UHRF1: variants seen among roughly 807,000 people sequenced by gnomAD.
The protein encoded by UHRF1 is ubiquitin like with PHD and ring finger domains 1, also known as E3 ubiquitin-protein ligase UHRF1.
A neutral mutation model predicts 96.5 loss-of-function variants in UHRF1; 9 were observed. The observed-to-expected ratio is 0.09, with a 90% CI of 0.06 to 0.16. The LOEUF (loss-of-function observed/expected upper bound fraction) is 0.16. UHRF1 is among the 10% of genes least tolerant of loss of function. The probability of loss-of-function intolerance (pLI) is 1.00; values close to 1 mark genes in which losing one functional copy is unlikely to be tolerated. For missense variants in UHRF1, 626 were observed against 1,131.1 expected (o/e 0.55, Z 6.40); for synonymous variants, 455 against 469.9 (o/e 0.97, Z 0.41).
At chr19:4,947,386 A>C (rs2033595049) in intron 11 of UHRF1, among the ~76,000 whole-genome samples, 175 bp downstream of exon 11, 1 of 149,044 alleles carries the variant, frequency 6.7e-6, no homozygotes, top group Non-Finnish European at 1.5e-5. Flanking sequence ...TACAGGCGTG[A>C]GCCACTGCGC....
intron 11 of UHRF1, 25 bp from the exon 12 acceptor site, chr19:4,950,586 C>CGTG (rs2033690567): frequency 6.2e-7 from 1 of 1,605,366 alleles, no homozygotes; most frequent in Non-Finnish European, 8.5e-7. Context: ...ACCTATAATG[C>CGTG]GTGGGGTCCT....
chr19:4,942,213 G>A (rs2033427176), intron 7 of UHRF1, among the ~76,000 whole-genome samples: 2 of 149,452 alleles, frequency 1.3e-5, no homozygotes, highest in South Asian at 2.1e-4. Flanking sequence ...TTTTTTTTGC[G>A]GCGGAGTCTC....
At chr19:4,949,569 C>A (rs1208572615) in intron 11 of UHRF1, among the ~76,000 whole-genome samples, 5 of 152,070 alleles carry the variant, frequency 3.3e-5, no homozygotes, top group Admixed American at 2.0e-4. Flanking sequence ...TGTCACATGC[C>A]TGTCGTTCCA....
At position 4,961,177 on chromosome 19, in the gene UHRF1, G is replaced by A. The variant is rs1490095410; in HGVS notation, c.*374G>A. On this transcript the variant is annotated 3_prime_UTR_variant, in exon 17 of 17. Transcript: ENST00000650932. ...GCTGCCACCAACTCTTTAAGAAGGC[G>A]ACAGGATCAGTCCTTCTCTCGGGTT... 1 of 94,072 alleles carries A rather than the reference G, an allele frequency of 1.1e-5. No individual in the cohort carries two copies. The allele number at this position is 94,072 out of a possible 1,614,324, so 5.8% of individuals were successfully genotyped here.
intron 15 of UHRF1, among the ~76,000 whole-genome samples, chr19:4,955,897 C>T (rs59640958): frequency 0.032 from 4,833 of 152,244 alleles, 268 homozygotes; most frequent in African/African-American, 0.11. Flanking sequence ...TCCCAACTCC[C>T]AGGCCACGCC....
At chr19:4,955,943 T>A (rs949712613) in intron 15 of UHRF1, among the ~76,000 whole-genome samples, 1 of 152,178 alleles carries the variant, frequency 6.6e-6, no homozygotes, top group African/African-American at 2.4e-5. Flanking sequence ...TTTTATTATT[T>A]TTTTTTGAGA....
chr19:4,938,816 T>A (rs1428799796), intron 5 of UHRF1, among the ~76,000 whole-genome samples: 2 of 147,220 alleles, frequency 1.4e-5, no homozygotes. Flanking sequence ...AGCTCTCAGT[T>A]CACTGTAGCC....
Position 4,941,950 on chromosome 19 carries a change from G to A in UHRF1, c.1073+19G>A, listed in dbSNP as rs1051467220. 1.1e-5 allele frequency: 16 copies of A among 1,468,460 alleles called. No homozygotes were observed. In the African/African-American group the frequency reaches 1.1e-4, roughly 10 times the overall value. The allele number at this position is 1,468,460 out of a possible 1,614,324, so 91.0% of individuals were successfully genotyped here. ...ACGAGTGGTGAGTGCGGCCCTGCCCGCCGCGGGGAGACCAGAGCGCCCCCT... is the reference window on the plus strand; with the variant it reads ...ACGAGTGGTGAGTGCGGCCCTGCCCACCGCGGGGAGACCAGAGCGCCCCCT... On this transcript the variant is annotated intron_variant, in intron 7 of 16. Transcript: ENST00000650932.
At chr19:4,950,808 C>T (rs1167788571) in intron 12 of UHRF1, 35 bp downstream of exon 12, 8 of 1,613,806 alleles carry the variant, frequency 5.0e-6, no homozygotes, top group African/African-American at 2.7e-5. Context: ...GGGCTCTGTC[C>T]CCGCCGGGGC....
chr19:4,905,108 CTTTTTTTTTTTTTT>C (rs61443004), upstream of UHRF1, among the ~76,000 whole-genome samples: 390 of 95,186 alleles, frequency 4.1e-3, 2 homozygotes, highest in South Asian at 0.046. Flanking sequence ...CGTAAACTTT[CTTTTTTTTTTTTTT>C]TTTTTTTTTT....
intron 2 of UHRF1, among the ~76,000 whole-genome samples, chr19:4,912,779 T>C (rs1306032751): frequency 6.6e-6 from 1 of 152,104 alleles, no homozygotes; most frequent in Admixed American, 6.6e-5. Flanking sequence ...TTGTTCCTAT[T>C]TGAGACAGGA....
chr19:4,941,330 C>G (rs1213180581), intron 5 of UHRF1, among the ~76,000 whole-genome samples, 198 bp from the exon 6 acceptor site: 1 of 151,954 alleles, frequency 6.6e-6, no homozygotes, highest in Non-Finnish European at 1.5e-5. Context: ...ACCTCGGCCT[C>G]CCAGTGTTGG....
intron 2 of UHRF1, among the ~76,000 whole-genome samples, chr19:4,919,106 C>T (rs2032620072): frequency 1.3e-5 from 2 of 150,084 alleles, no homozygotes; most frequent in African/African-American, 4.9e-5. Context: ...CTCACTGCAA[C>T]CCCTGCCTCT....
chr19:4,913,479 T>A (rs2032365919), intron 2 of UHRF1, among the ~76,000 whole-genome samples: 1 of 152,090 alleles, frequency 6.6e-6, no homozygotes, highest in African/African-American at 2.4e-5. Flanking sequence ...GGTCTTGAAC[T>A]CCTGACCTCA....
chr19:4,948,731 G>A (rs537587896), intron 11 of UHRF1, among the ~76,000 whole-genome samples: 6 of 152,056 alleles, frequency 3.9e-5, no homozygotes, highest in Non-Finnish European at 5.9e-5. Context: ...CCCAGGAGGC[G>A]GAGGATGCAG....
intron 1 of UHRF1, among the ~76,000 whole-genome samples, chr19:4,904,167 CTTTTTGTTTTTG>C (rs922644431): frequency 1.6e-4 from 24 of 151,212 alleles, no homozygotes; most frequent in African/African-American, 5.3e-4. Context: ...AATTTTTGTT[CTTTTTGTTTTTG>C]TTTTTGTTTT....
chr19:4,912,545 C>T (rs3786942), intron 2 of UHRF1, among the ~76,000 whole-genome samples: 55,906 of 151,930 alleles, frequency 0.37, 10,734 homozygotes, highest in African/African-American at 0.48. Context: ...TGGGAAAACA[C>T]CTAGACACAC....
In UHRF1 at chr19:4,954,527, TG is replaced by T. The variant is rs751702769; in HGVS notation, c.1957+44del. On this transcript the variant is annotated intron_variant, in intron 14 of 16. Transcript: ENST00000650932. The surrounding 1 kb of genome is among the most constrained non-coding windows in gnomAD (Gnocchi z 5.9). Reference sequence around the variant, plus strand: ...GGGTGTGGGGTGAGCGTCTTGTGTGTGGGGGAGCAGGTGGGCATCTCGCGGG... The same window carrying T: ...GGGTGTGGGGTGAGCGTCTTGTGTGTGGGGAGCAGGTGGGCATCTCGCGGG... 6.3e-7 allele frequency: 1 copy of T among 1,589,338 alleles called. No homozygotes were observed. Among genetic ancestry groups the T allele is most frequent in the South Asian group, 1.1e-5 (1 of 88,238 alleles).
In UHRF1 at chr19:4,938,730, G is replaced by GTTTTT. The variant is rs71170880; in HGVS notation, c.786-2771_786-2767dup. 2.4e-3 allele frequency among the ~76,000 whole-genome samples: 147 copies of GTTTTT among 61,584 alleles called. 11 individuals carry two copies. The highest frequency in any genetic ancestry group is 0.016 in the Middle Eastern group (1 of 64). The allele number at this position is 61,584 out of a possible 152,430, so 40.4% of individuals were successfully genotyped here. On this transcript the variant is annotated intron_variant, in intron 5 of 16. Coordinates refer to ENST00000650932, the MANE Select transcript of UHRF1 (RefSeq NM_001048201.3). Reference sequence around the variant, plus strand: ...GGCATAAGAGTTTTGTTTTGGTCAGGTTTTTTTTTTTTTTTTTTTTTTTTT... The same window carrying GTTTTT: ...GGCATAAGAGTTTTGTTTTGGTCAGGTTTTTTTTTTTTTTTTTTTTTTTTTTTTTT...
Sources: gnomAD v4.1 joint callset for allele counts (sites outside exome capture counted in the v4.1 genomes callset) on GRCh38, gnomAD v4.1.1 for gene constraint, Gnocchi (gnomAD v3.1) non-coding constraint, MANE v1.5 for transcripts, NCBI Gene and HGNC (gene_info 2026-07-23, HGNC 2026-07-21) for gene names.